LRRTM4: variants seen among roughly 807,000 people sequenced by gnomAD.
LRRTM4 encodes leucine-rich repeat transmembrane neuronal protein 4.
In LRRTM4, 25 loss-of-function variants were observed where a neutral mutation model predicts 47.6. The ratio of observed to expected loss-of-function variants is 0.53; its 90% CI spans 0.38 to 0.73. The LOEUF (loss-of-function observed/expected upper bound fraction) is 0.73, where lower values mean the gene tolerates loss of function less well. LRRTM4 is among the 30% of genes least tolerant of loss of function. LRRTM4 has a pLI of 0.00. For synonymous variants in LRRTM4, 311 were observed against 269.5 expected (o/e 1.15, Z -1.51); for missense variants, 638 against 713.4 (o/e 0.89, Z 1.20).
chr2:77,378,910 A>C (rs1672942264), intron 3 of LRRTM4, among the ~76,000 whole-genome samples: 1 of 152,158 alleles, frequency 6.6e-6, no homozygotes, highest in South Asian at 2.1e-4. Flanking sequence ...CAGAAATATT[A>C]AATCTTCCTG....
chr2:77,070,025 CA>C (rs1430318928), intron 3 of LRRTM4, among the ~76,000 whole-genome samples: 2 of 152,022 alleles, frequency 1.3e-5, no homozygotes, highest in Non-Finnish European at 2.9e-5. Context: ...TTAAAACTTA[CA>C]GGCAAGTACT....
At chr2:77,229,937 T>C (rs908184092) in intron 3 of LRRTM4, among the ~76,000 whole-genome samples, 2 of 152,148 alleles carry the variant, frequency 1.3e-5, no homozygotes, top group Non-Finnish European at 2.9e-5. Flanking sequence ...TGCTTTAAAT[T>C]TCTTCATCGC....
At chr2:77,205,318 G>A (rs1271624473) in intron 3 of LRRTM4, among the ~76,000 whole-genome samples, 1 of 152,166 alleles carries the variant, frequency 6.6e-6, no homozygotes, top group Middle Eastern at 3.2e-3. Context: ...TCAGATATTG[G>A]AATGTACCGT....
At chr2:77,150,685 G>A (rs979855851) in intron 3 of LRRTM4, among the ~76,000 whole-genome samples, 1 of 152,088 alleles carries the variant, frequency 6.6e-6, no homozygotes, top group South Asian at 2.1e-4. Context: ...CACAATGGTT[G>A]TCTGTTAAAA....
intron 3 of LRRTM4, among the ~76,000 whole-genome samples, chr2:77,269,496 A>G (rs1676136333): frequency 6.6e-6 from 1 of 152,224 alleles, no homozygotes; most frequent in Non-Finnish European, 1.5e-5. Context: ...TTAACACAAT[A>G]GATTATATGT....
chr2:77,323,835 C>T (rs1670649444), intron 3 of LRRTM4, among the ~76,000 whole-genome samples: 1 of 152,058 alleles, frequency 6.6e-6, no homozygotes, highest in Non-Finnish European at 1.5e-5. Context: ...GGGCGAGTTA[C>T]TTAACTTCAG....
intron 3 of LRRTM4, among the ~76,000 whole-genome samples, chr2:76,896,240 T>G (rs1190019236): frequency 6.6e-6 from 1 of 151,836 alleles, no homozygotes; most frequent in East Asian, 1.9e-4. Flanking sequence ...ACACACGATT[T>G]AGCCTCTTGG....
chr2:77,020,187 A>AC (rs35481529), intron 3 of LRRTM4, among the ~76,000 whole-genome samples: 1 of 151,712 alleles, frequency 6.6e-6, no homozygotes, highest in Non-Finnish European at 1.5e-5. Context: ...TAATAAAAAA[A>AC]ATAGAAGGCA....
chr2:77,472,461 T>A (rs1388792746), intron 3 of LRRTM4, among the ~76,000 whole-genome samples: 2 of 152,078 alleles, frequency 1.3e-5, no homozygotes, highest in Non-Finnish European at 2.9e-5. Context: ...GCTAATTCAG[T>A]GTTCATGGAC....
intron 3 of LRRTM4, among the ~76,000 whole-genome samples, chr2:77,476,964 ATGTG>A (rs59247356): frequency 0.28 from 39,650 of 143,648 alleles, 5,251 homozygotes; most frequent in African/African-American, 0.29. Flanking sequence ...TTTGTAAGAG[ATGTG>A]TGTGTGTGTG....
intron 3 of LRRTM4, among the ~76,000 whole-genome samples, chr2:77,352,314 A>T (rs933016227): frequency 6.6e-6 from 1 of 152,162 alleles, no homozygotes; most frequent in Admixed American, 6.5e-5. Flanking sequence ...AGATGGCCAG[A>T]GGAAAATTTG....
chr2:77,047,591 C>CTG (rs773033621), intron 3 of LRRTM4, among the ~76,000 whole-genome samples: 26 of 151,934 alleles, frequency 1.7e-4, no homozygotes, highest in Non-Finnish European at 3.8e-4. Context: ...GATGTTCTCC[C>CTG]TGTGTGTGTG....
chr2:77,207,814 A>T (rs1185474626), intron 3 of LRRTM4, among the ~76,000 whole-genome samples: 1 of 138,160 alleles, frequency 7.2e-6, no homozygotes, highest in African/African-American at 2.7e-5. Flanking sequence ...GTTTTTGTAT[A>T]CTCTGTTCCA....
chr2:76,786,886 TA>T (rs1298152493), intron 3 of LRRTM4, among the ~76,000 whole-genome samples: 1 of 152,124 alleles, frequency 6.6e-6, no homozygotes, highest in Non-Finnish European at 1.5e-5. Context: ...GCATCAAAAA[TA>T]AAGCCCCCAA....
chr2:76,825,428 T>C (rs1485785222), intron 3 of LRRTM4, among the ~76,000 whole-genome samples: 1 of 151,662 alleles, frequency 6.6e-6, no homozygotes, highest in Admixed American at 6.6e-5. Context: ...TTGGATGTAA[T>C]GGAGAAAGAA....
At chr2:77,250,478 G>A (rs1447013193) in intron 3 of LRRTM4, among the ~76,000 whole-genome samples, 3 of 151,972 alleles carry the variant, frequency 2.0e-5, no homozygotes, top group Non-Finnish European at 4.4e-5. Context: ...CTTCTCTAAA[G>A]ATAAAGTTAT....
At chr2:77,079,194 T>C (rs979780814) in intron 3 of LRRTM4, among the ~76,000 whole-genome samples, 5 of 152,158 alleles carry the variant, frequency 3.3e-5, no homozygotes, top group African/African-American at 1.2e-4. Context: ...CTGCCAGTAA[T>C]AGATTTGTAC....
At chr2:76,892,189 T>C (rs1410081111) in intron 3 of LRRTM4, among the ~76,000 whole-genome samples, 1 of 151,632 alleles carries the variant, frequency 6.6e-6, no homozygotes, top group Non-Finnish European at 1.5e-5. Context: ...AATGCATTCA[T>C]CTCTCAAAAT....
At chr2:76,794,187 G>A (rs1471690724) in intron 3 of LRRTM4, among the ~76,000 whole-genome samples, 1 of 152,168 alleles carries the variant, frequency 6.6e-6, no homozygotes, top group Non-Finnish European at 1.5e-5. Flanking sequence ...AGAGTAACCA[G>A]AGATTACTAT....
Sources: gnomAD v4.1 joint callset for allele counts (sites outside exome capture counted in the v4.1 genomes callset) on GRCh38, gnomAD v4.1.1 for gene constraint, MANE v1.5 for transcripts, NCBI Gene and HGNC (gene_info 2026-07-23, HGNC 2026-07-21) for gene names.